Variants in LIPA observed in about 807,000 individuals in gnomAD.
The protein encoded by LIPA is lysosomal acid lipase/cholesteryl ester hydrolase.
Under a neutral mutation model 40.6 loss-of-function variants are expected in LIPA, and 26 were observed. The ratio of observed to expected loss-of-function variants is 0.64; its 90% CI spans 0.47 to 0.89. The LOEUF is 0.89. Ranked by LOEUF, LIPA falls within the 40% of genes least tolerant of loss-of-function variation. LIPA has a pLI of 0.00. For missense variants in LIPA, 455 were observed against 479.6 expected (o/e 0.95, Z 0.48); for synonymous variants, 188 against 168.4 (o/e 1.12, Z -0.90).
chr10:89,309,998 T>A (rs538846955), intron 1 of LIPA, among the ~76,000 whole-genome samples: 1 of 152,234 alleles, frequency 6.6e-6, no homozygotes, highest in Admixed American at 6.5e-5. Flanking sequence ...CTGCTACTTA[T>A]GTAGCTTCAA....
chr10:89,414,671 G>A (rs1406193352), upstream of LIPA: 8 of 1,093,690 alleles, frequency 7.3e-6, no homozygotes, highest in East Asian at 3.0e-5. Flanking sequence ...GAGTCCAGGG[G>A]CTGCAGAGGC....
intron 2 of LIPA, 47 bp from the exon 3 acceptor site, chr10:89,245,840 C>G: frequency 1.1e-6 from 1 of 893,628 alleles, no homozygotes. Flanking sequence ...GAATCTGAAA[C>G]AGTCTCCCAC....
intron 1 of LIPA, among the ~76,000 whole-genome samples, chr10:89,329,994 C>G (rs974148898): frequency 1.3e-5 from 2 of 152,104 alleles, no homozygotes; most frequent in Admixed American, 1.3e-4. Context: ...AGTAGGGGAG[C>G]TTTTGAGCCA....
chr10:89,411,225 A>T (rs1036399066), intron 2 of LIPA, among the ~76,000 whole-genome samples: 16 of 152,174 alleles, frequency 1.1e-4, no homozygotes, highest in African/African-American at 3.9e-4. Context: ...CAAAGGTCTG[A>T]CCAGATCTAG....
At chr10:89,312,336 G>A (rs539248449) in intron 1 of LIPA, among the ~76,000 whole-genome samples, 105 of 152,186 alleles carry the variant, frequency 6.9e-4, no homozygotes, top group South Asian at 2.3e-3. Flanking sequence ...ATCTACTTGG[G>A]ATGCTGAGGT....
At chr10:89,275,579 C>T (rs1843285645) in intron 1 of LIPA, among the ~76,000 whole-genome samples, 1 of 152,170 alleles carries the variant, frequency 6.6e-6, no homozygotes, top group African/African-American at 2.4e-5. Flanking sequence ...TGGCCAGCTC[C>T]CACAATTGCA....
intron 1 of LIPA, among the ~76,000 whole-genome samples, chr10:89,262,486 A>T (rs953141091): frequency 6.6e-6 from 1 of 152,146 alleles, no homozygotes; most frequent in Non-Finnish European, 1.5e-5. Context: ...GGTCATGGAA[A>T]CTCAGTATCT....
chr10:89,236,412 A>G (rs1842905305), intron 3 of LIPA, among the ~76,000 whole-genome samples: 1 of 152,278 alleles, frequency 6.6e-6, no homozygotes, highest in Non-Finnish European at 1.5e-5. Context: ...TAAATTGCAC[A>G]TTGCAGTAAA....
intron 9 of LIPA, 147 bp from the exon 10 acceptor site, chr10:89,215,208 G>A: frequency 2.8e-6 from 2 of 705,086 alleles, no homozygotes; most frequent in Non-Finnish European, 5.0e-6. Context: ...ATCTTTTCAA[G>A]TTGCCATTAC....
At chr10:89,333,440 C>T (rs1843680861) in intron 1 of LIPA, among the ~76,000 whole-genome samples, 1 of 152,170 alleles carries the variant, frequency 6.6e-6, no homozygotes, top group South Asian at 2.1e-4. Flanking sequence ...ATCCTCTCTT[C>T]CTTAAATGCA....
At chr10:89,380,085 G>A (rs1254456781) in intron 2 of LIPA, among the ~76,000 whole-genome samples, 1 of 151,860 alleles carries the variant, frequency 6.6e-6, no homozygotes, top group Non-Finnish European at 1.5e-5. Context: ...CTGTGGAGTT[G>A]ACAGAAAGCA....
At chr10:89,387,338 C>A (rs1483003241) in intron 2 of LIPA, among the ~76,000 whole-genome samples, 7 of 142,116 alleles carry the variant, frequency 4.9e-5, no homozygotes, top group African/African-American at 1.3e-4. Flanking sequence ...AAAAAAAAAT[C>A]TATTTTAACA....
chr10:89,306,578 A>G (rs1843481252), intron 1 of LIPA: 1 of 1,614,000 alleles, frequency 6.2e-7, no homozygotes, highest in South Asian at 1.1e-5. Flanking sequence ...GAATCCTGAC[A>G]ACCAGTACCT....
At chr10:89,389,582 G>T (rs1844231284) in intron 2 of LIPA, among the ~76,000 whole-genome samples, 1 of 152,166 alleles carries the variant, frequency 6.6e-6, no homozygotes, top group Admixed American at 6.5e-5. Context: ...AGATGACCCT[G>T]GAAAAGACAG....
chr10:89,391,526 T>A (rs1844251108), intron 2 of LIPA, among the ~76,000 whole-genome samples: 1 of 152,158 alleles, frequency 6.6e-6, no homozygotes, highest in African/African-American at 2.4e-5. Flanking sequence ...AACAATTTTT[T>A]ATTTTTTATT....
chr10:89,340,650 T>C (rs796579993), intron 1 of LIPA: 35 of 151,830 alleles, frequency 2.3e-4, no homozygotes, highest in African/African-American at 8.0e-4. Context: ...AACTAATCAC[T>C]GGTAGCAATA....
intron 2 of LIPA, among the ~76,000 whole-genome samples, chr10:89,400,475 C>T (rs1315472986): frequency 3.3e-5 from 5 of 152,106 alleles, no homozygotes; most frequent in African/African-American, 1.2e-4. Context: ...TTCCAGTGTA[C>T]AAGTCTTTTG....
intron 1 of LIPA, among the ~76,000 whole-genome samples, chr10:89,285,826 T>C (rs924862471): frequency 1.3e-5 from 2 of 149,618 alleles, no homozygotes; most frequent in Non-Finnish European, 3.0e-5. Context: ...CCCTTCCCCA[T>C]GTTCCTGGGG....
intron 1 of LIPA, among the ~76,000 whole-genome samples, chr10:89,319,405 A>G (rs2133531427): frequency 1.3e-5 from 2 of 152,362 alleles, no homozygotes; most frequent in South Asian, 4.1e-4. Flanking sequence ...ACAGAAATAC[A>G]AACTATCATC....
Sources: gnomAD v4.1 joint callset for allele counts (sites outside exome capture counted in the v4.1 genomes callset) on GRCh38, gnomAD v4.1.1 for gene constraint, MANE v1.5 for transcripts, NCBI Gene and HGNC (gene_info 2026-07-23, HGNC 2026-07-21) for gene names.